LBHD1: variants seen among roughly 807,000 people sequenced by gnomAD.
LBHD1 encodes the protein LBH domain containing 1.
In LBHD1, 28 loss-of-function variants were observed where a neutral mutation model predicts 31.1. That is an observed-to-expected ratio of 0.90 (90% CI 0.67 to 1.24). The LOEUF (loss-of-function observed/expected upper bound fraction) is 1.24. LBHD1 is among the 50% of genes most tolerant of loss of function. LBHD1 has a pLI of 0.00. For missense variants in LBHD1, 350 were observed against 323.0 expected, an observed-to-expected ratio of 1.08 and a Z score of -0.64; for synonymous variants, 105 against 116.5, an observed-to-expected ratio of 0.90 and a Z score of 0.63.
Position 62,662,873 on chromosome 11 carries a change from A to C in LBHD1, c.*256T>G, listed in dbSNP as rs1944693923. The C allele has an allele frequency of 8.3e-6, 5 of 599,260 alleles. No homozygotes were observed. The Admixed American group carries it at 1.2e-4, about 14-fold the overall frequency. The allele number at this position is 599,260 out of a possible 1,614,324, so 37.1% of individuals were successfully genotyped here. A position where few individuals can be genotyped will look rare whatever the true frequency, so the allele number is the denominator to read the frequency against. ...TTGACTGCTAGAGAGGCCCTTCTCC[A>C]ATCTTTCTTCTGTACCTTCTTCCCT... On this transcript the variant is annotated 3_prime_UTR_variant, in exon 7 of 7. Coordinates refer to ENST00000354588, the MANE Select transcript of LBHD1 (RefSeq NM_024099.5).
At chr11:62,665,844 A>G (rs1245248549) in intron 4 of LBHD1, 3 of 1,608,250 alleles carry the variant, frequency 1.9e-6, no homozygotes, top group East Asian at 2.2e-5. Flanking sequence ...GACGCTTCAC[A>G]TAAGCTTCTC....
chr11:62,665,832 T>C, intron 4 of LBHD1: 1 of 1,601,898 alleles, frequency 6.2e-7, no homozygotes. Context: ...TGGAGTAGGG[T>C]GGACGCTTCA....
At chr11:62,667,039 A>G (rs1221681133) in intron 4 of LBHD1, 1 of 1,601,026 alleles carries the variant, frequency 6.2e-7, no homozygotes, top group Admixed American at 1.7e-5. Flanking sequence ...ACTTGATTCA[A>G]GGCTCTCATT....
chr11:62,671,702 T>G lies in LBHD1; in HGVS notation c.-149A>C. On this transcript the variant is annotated 5_prime_UTR_variant, in exon 1 of 7. Transcript: ENST00000354588. Reference sequence around the variant, plus strand: ...AGACCGCGCGGCAACAGCTTGCGGCTGCGGGGAGCTCCCGTGGGCGCTCCG... The same window carrying G: ...AGACCGCGCGGCAACAGCTTGCGGCGGCGGGGAGCTCCCGTGGGCGCTCCG... 1 of 1,606,076 alleles carries G rather than the reference T, an allele frequency of 6.2e-7. No homozygotes were observed. Among genetic ancestry groups the G allele is most frequent in the East Asian group, 2.2e-5 (1 of 44,748 alleles).
At position 62,671,872 on chromosome 11, in the gene LBHD1, G is replaced by A. The variant is rs1418432035; in HGVS notation, c.-319C>T. 1.1e-5 allele frequency: 18 copies of A among 1,614,022 alleles called. No homozygotes were observed. The highest frequency in any genetic ancestry group is 1.5e-5 in the Non-Finnish European group (18 of 1,179,948). ...GAAGCAGGAAATGCTAAAGGTAGAA[G>A]CAACTGGTAGTCCCGAGGAAGGGTG... On this transcript the variant is annotated 5_prime_UTR_variant, in exon 1 of 7. Transcript: ENST00000354588.
At chr11:62,670,132 C>G in intron 1 of LBHD1, 91 bp from the exon 2 acceptor site, 1 of 1,321,848 alleles carries the variant, frequency 7.6e-7, no homozygotes, top group Non-Finnish European at 1.0e-6. Flanking sequence ...GGAGCCTGGC[C>G]CCTTAAGCAC....
In LBHD1 at chr11:62,663,730, T is replaced by C. The variant is rs1342826858; in HGVS notation, c.664-397A>G. 7.4e-5 allele frequency among the ~76,000 whole-genome samples: 11 copies of C among 148,600 alleles called. No homozygotes were observed. The East Asian group carries it at 2.0e-3, about 27-fold the overall frequency. ...AAAAAGGAAAAGTATTAAATAAATA[T>C]AATATAAATAGTAATAGAAACCCTA... On this transcript the variant is annotated intron_variant, in intron 5 of 6. Transcript: ENST00000354588.
At chr11:62,665,407 GC>G in intron 4 of LBHD1, 1 of 1,394,640 alleles carries the variant, frequency 7.2e-7, no homozygotes, top group Non-Finnish European at 9.9e-7. Context: ...AAGGCTCTGG[GC>G]GGGGTCTCAG....
chr11:62,671,361 A>G (rs534202679), intron 1 of LBHD1: 29 of 1,265,198 alleles, frequency 2.3e-5, no homozygotes, highest in Middle Eastern at 2.2e-4. Flanking sequence ...GGGTGACTGC[A>G]GGAAACCACA....
chr11:62,666,890 C>G (rs761743428), intron 4 of LBHD1: 1 of 1,614,020 alleles, frequency 6.2e-7, no homozygotes, highest in African/African-American at 1.3e-5. Context: ...CTTGAGGGTT[C>G]TAAACCCTCA....
At chr11:62,664,055 A>G (rs972975759) in intron 5 of LBHD1, among the ~76,000 whole-genome samples, 1 of 145,572 alleles carries the variant, frequency 6.9e-6, no homozygotes, top group Admixed American at 6.9e-5. Context: ...CCTGGGCAAC[A>G]GAGGGAGACT....
intron 4 of LBHD1, chr11:62,665,333 G>C (rs563390035): frequency 1.5e-4 from 112 of 754,762 alleles, no homozygotes; most frequent in South Asian, 3.9e-4. Context: ...TGGTGAGCTA[G>C]TAAGTGTGGT....
At chr11:62,671,508 C>T in intron 1 of LBHD1, 56 bp downstream of exon 1, 3 of 1,389,232 alleles carry the variant, frequency 2.2e-6, no homozygotes, top group East Asian at 2.8e-5. Flanking sequence ...ACAGGGTCCC[C>T]GCGCTCAGCC....
chr11:62,664,133 G>T (rs530258967), intron 5 of LBHD1, among the ~76,000 whole-genome samples: 9 of 150,064 alleles, frequency 6.0e-5, no homozygotes, highest in African/African-American at 2.0e-4. Flanking sequence ...AATGGGATGG[G>T]AACTCTTCCT....
chr11:62,665,512 T>C (rs1377018366), intron 4 of LBHD1: 3 of 1,570,826 alleles, frequency 1.9e-6, no homozygotes, highest in Non-Finnish European at 2.6e-6. Flanking sequence ...CTCGGCGTCA[T>C]GTCTTCGGTG....
intron 1 of LBHD1, chr11:62,670,527 T>C (rs1944919761): frequency 6.4e-6 from 1 of 157,042 alleles, no homozygotes; most frequent in Non-Finnish European, 1.4e-5. Flanking sequence ...TTGCCTATAA[T>C]CAGTCACACA....
intron 4 of LBHD1, chr11:62,665,971 G>T: frequency 6.3e-7 from 1 of 1,598,256 alleles, no homozygotes. Flanking sequence ...GCAGAGTGGA[G>T]AGGGCAAGGT....
chr11:62,663,436 G>C (rs1189552058), intron 5 of LBHD1, 103 bp from the exon 6 acceptor site: 8 of 1,220,634 alleles, frequency 6.6e-6, no homozygotes, highest in Non-Finnish European at 9.1e-6. Flanking sequence ...GCTGGGCGCA[G>C]TGGCTCACGC....
Position 62,667,789 on chromosome 11 carries a change from A to G in LBHD1, c.314-42T>C, listed in dbSNP as rs542608835. ...GAGGGGACAAAAATATTACTGATAT[A>G]TTATCAAATTACAAAACTAGGCCAG... On this transcript the variant is annotated intron_variant, in intron 3 of 6. Coordinates refer to ENST00000354588, the MANE Select transcript of LBHD1 (RefSeq NM_024099.5). 1.2e-5 allele frequency: 16 copies of G among 1,359,590 alleles called. No individual in the cohort carries two copies. In the South Asian group the frequency reaches 1.4e-4, roughly 12 times the overall value. 84.2% of individuals were successfully genotyped at this position (1,359,590 alleles called of 1,614,324 possible).
Sources: allele counts gnomAD v4.1 joint callset (sites outside exome capture counted in the v4.1 genomes callset), GRCh38; gene constraint gnomAD v4.1.1; transcripts MANE v1.5; gene names NCBI Gene and HGNC (gene_info 2026-07-23, HGNC 2026-07-21).